Variants in USP32 observed in about 807,000 individuals in gnomAD.
USP32 encodes the protein ubiquitin specific peptidase 32, also known as ubiquitin carboxyl-terminal hydrolase 32.
USP32 carries 59 observed loss-of-function variants against 204.8 expected under a neutral mutation model. The observed-to-expected ratio is 0.29, with a 90% confidence interval of 0.23 to 0.36. USP32 has a LOEUF of 0.36. USP32 is among the 10% of genes least tolerant of loss of function. USP32 has a pLI of 1.00. For synonymous variants in USP32, 517 were observed against 678.4 expected (o/e 0.76, Z 3.70); for missense variants, 1,160 against 1,946.4 (o/e 0.60, Z 7.60).
chr17:60,207,095 A>G lies in USP32; in HGVS notation c.2963T>C (p.Val988Ala), dbSNP rs2084848067. 2 of 1,613,152 alleles carry G rather than the reference A, an allele frequency of 1.2e-6. No homozygotes were observed. Among genetic ancestry groups the G allele is most frequent in the South Asian group, 2.2e-5 (2 of 91,068 alleles). ...PQDNQKVRLS[V>A]SGFLCAFEIP... ...TTCAAATGCACACAAAAATCCACTC[A>G]CTGAGAGTCGTACTTTTTGGTTGTC... is the stretch of plus-strand genomic sequence containing the variant. The change falls in exon 25 of 34, where the codon GTG becomes GCG. Residue 988 changes from valine to alanine, a missense_variant. Coordinates refer to ENST00000300896, the MANE Select transcript of USP32 (RefSeq NM_032582.4).
chr17:60,233,195 A>G (rs1050403117), intron 12 of USP32, among the ~76,000 whole-genome samples: 1 of 152,178 alleles, frequency 6.6e-6, no homozygotes, highest in Non-Finnish European at 1.5e-5. Context: ...ACTTAACAAG[A>G]GTCTGGGTGC....
rs2088516502 is a variant in USP32 at position 60,336,388 on chromosome 17, A to G, written c.186+9093T>C. On this transcript the variant is annotated intron_variant, in intron 2 of 33. Coordinates refer to ENST00000300896, the MANE Select transcript of USP32 (RefSeq NM_032582.4). Reference sequence around the variant, plus strand: ...ACTCTGTTGTACTGTCATCTTACAGAAGCCTTGAAATCTTTTTTGTCCTGT... The same window carrying G: ...ACTCTGTTGTACTGTCATCTTACAGGAGCCTTGAAATCTTTTTTGTCCTGT... Among the ~76,000 whole-genome samples, 2 of 143,186 alleles carry G rather than the reference A, an allele frequency of 1.4e-5. 1 individual carries two copies. The highest frequency in any genetic ancestry group is 4.2e-4 in the South Asian group (2 of 4,716). The allele number at this position is 143,186 out of a possible 152,430, so 93.9% of individuals were successfully genotyped here.
chr17:60,355,307 T>G (rs2089041499), intron 1 of USP32, among the ~76,000 whole-genome samples: 1 of 152,156 alleles, frequency 6.6e-6, no homozygotes, highest in Non-Finnish European at 1.5e-5. Flanking sequence ...GAGGAACAAG[T>G]CAACTTTCAT....
At chr17:60,302,837 T>G (rs1398369330) in intron 2 of USP32, among the ~76,000 whole-genome samples, 2 of 152,166 alleles carry the variant, frequency 1.3e-5, no homozygotes, top group African/African-American at 2.4e-5. Context: ...AAATAAGTAT[T>G]ATAGTAATCA....
intron 31 of USP32, among the ~76,000 whole-genome samples, chr17:60,182,397 T>C (rs188224870): frequency 2.4e-4 from 36 of 152,368 alleles, no homozygotes; most frequent in Admixed American, 1.9e-3. Flanking sequence ...CATGTCATGT[T>C]ATCTCTCACA....
intron 1 of USP32, among the ~76,000 whole-genome samples, chr17:60,413,876 GA>G (rs753405307): frequency 0.082 from 7,777 of 95,360 alleles, 175 homozygotes; most frequent in African/African-American, 0.13. Flanking sequence ...AAAAAAAAAA[GA>G]AAAAAAAAAA....
At chr17:60,380,626 C>T (rs568754764) in intron 1 of USP32, among the ~76,000 whole-genome samples, 2 of 152,180 alleles carry the variant, frequency 1.3e-5, no homozygotes, top group African/African-American at 4.8e-5. Flanking sequence ...CCACTTAATG[C>T]TTATTGTAGA....
chr17:60,332,619 G>A (rs2088417773), intron 2 of USP32, among the ~76,000 whole-genome samples: 1 of 152,140 alleles, frequency 6.6e-6, no homozygotes, highest in African/African-American at 2.4e-5. Context: ...TTGCACTCCA[G>A]CCTGGGCAAC....
intron 27 of USP32, among the ~76,000 whole-genome samples, chr17:60,194,723 T>C (rs2145423224): frequency 6.6e-6 from 1 of 152,294 alleles, no homozygotes; most frequent in South Asian, 2.1e-4. Flanking sequence ...AATACAAACT[T>C]TTCTACCTCC....
At chr17:60,389,251 A>G (rs377422791) in intron 1 of USP32, among the ~76,000 whole-genome samples, 9 of 152,292 alleles carry the variant, frequency 5.9e-5, no homozygotes, top group East Asian at 1.9e-4. Context: ...AGCTCTATCA[A>G]AAGATTCTGG....
At chr17:60,256,788 G>A in intron 9 of USP32, 1 of 1,180,994 alleles carries the variant, frequency 8.5e-7, no homozygotes. Flanking sequence ...AAAAACTGGT[G>A]AAGAGAGGGT....
At chr17:60,353,211 A>G (rs2088992034) in intron 1 of USP32, among the ~76,000 whole-genome samples, 3 of 152,296 alleles carry the variant, frequency 2.0e-5, no homozygotes, top group Admixed American at 6.5e-5. Context: ...CAAGCGCAAC[A>G]TAGGCACAGA....
At chr17:60,370,315 T>C (rs550856092) in intron 1 of USP32, among the ~76,000 whole-genome samples, 60 of 151,488 alleles carry the variant, frequency 4.0e-4, no homozygotes, top group African/African-American at 1.4e-3. Context: ...CTACCAAAAA[T>C]GGGAAAGGTT....
chr17:60,258,041 A>T, intron 9 of USP32: 1 of 158,510 alleles, frequency 6.3e-6, no homozygotes. Flanking sequence ...AAGAAGAAAA[A>T]AGGGAGCAAG....
chr17:60,197,579 G>A (rs1004064398), intron 27 of USP32, among the ~76,000 whole-genome samples: 10 of 151,902 alleles, frequency 6.6e-5, no homozygotes, highest in South Asian at 2.1e-4. Context: ...ACTCCAATCC[G>A]GGCAACAAGA....
chr17:60,261,317 T>C (rs1239069769), intron 9 of USP32, among the ~76,000 whole-genome samples: 3 of 152,118 alleles, frequency 2.0e-5, no homozygotes, highest in Admixed American at 6.6e-5. Flanking sequence ...AAATCTAAAA[T>C]GCTACTAATA....
chr17:60,194,664 T>C (rs1237968758), intron 27 of USP32, among the ~76,000 whole-genome samples: 1 of 152,210 alleles, frequency 6.6e-6, no homozygotes, highest in African/African-American at 2.4e-5. Context: ...AATAAGTTCC[T>C]CCACCCCATA....
intron 1 of USP32, among the ~76,000 whole-genome samples, chr17:60,353,745 C>T (rs1365760808): frequency 6.6e-6 from 1 of 151,970 alleles, no homozygotes; most frequent in African/African-American, 2.4e-5. Context: ...TGTCTAAAAA[C>T]AAATAAAAAA....
intron 5 of USP32, among the ~76,000 whole-genome samples, chr17:60,279,808 G>A (rs895124242): frequency 6.6e-6 from 1 of 151,392 alleles, no homozygotes; most frequent in African/African-American, 2.4e-5. Context: ...CTGCACTCCA[G>A]CCTGGGCAAC....
Sources: gnomAD v4.1 joint callset for allele counts (sites outside exome capture counted in the v4.1 genomes callset) on GRCh38, gnomAD v4.1.1 for gene constraint, MANE v1.5 for transcripts, NCBI Gene and HGNC (gene_info 2026-07-23, HGNC 2026-07-21) for gene names.